The following STAG2 variants were observed in gnomAD, a reference collection of about 807,000 sequenced individuals.
STAG2 encodes the protein cohesin subunit SA-2.
STAG2 carries 14 observed loss-of-function variants against 108.1 expected under a neutral mutation model. That is an observed-to-expected ratio of 0.13 (90% CI 0.09 to 0.20). STAG2 has a LOEUF of 0.20. STAG2 is among the 10% of genes least tolerant of loss of function. The pLI is 1.00. For synonymous variants in STAG2, 307 were observed against 302.7 expected (o/e 1.01, Z -0.15); for missense variants, 440 against 940.9 (o/e 0.47, Z 6.96).
At chrX:124,002,226 A>G (rs966575976) in intron 1 of STAG2, among the ~76,000 whole-genome samples, 1 of 111,961 alleles carries the variant, frequency 8.9e-6, no homozygotes, top group Non-Finnish European at 1.9e-5. Context: ...CAAGACAACA[A>G]CAACATAAAA....
At chrX:124,067,032 G>A (rs1422572350) in intron 23 of STAG2, among the ~76,000 whole-genome samples, 1 of 111,060 alleles carries the variant, frequency 9.0e-6, no homozygotes, top group African/African-American at 3.3e-5. Flanking sequence ...CTTAAATATT[G>A]TTTGGGCTCA....
chrX:124,030,966 T>TA lies in STAG2; in HGVS notation c.135dup (p.Gly46ArgfsTer41). 8.4e-7 allele frequency: 1 copy of TA among 1,193,793 alleles called. No individual in the cohort carries two copies. Among genetic ancestry groups the TA allele is most frequent in the Non-Finnish European group, 1.1e-6 (1 of 888,722 alleles). On this transcript the variant is annotated frameshift_variant, in exon 5 of 35. Transcript: ENST00000371145. LOFTEE classifies it high-confidence loss of function. ...ACCTCGTATTTTTTATGCAGACTTG[T>TA]AAAAAAGGCAAAAAGGGCCCAGCAG...
intron 1 of STAG2, among the ~76,000 whole-genome samples, chrX:124,018,446 T>TTGGA (rs59257430): frequency 0.012 from 1,187 of 102,764 alleles, 12 homozygotes; most frequent in East Asian, 0.035. Flanking sequence ...GGGAAACACA[T>TTGGA]TGGATGGATG....
At chrX:124,073,401 C>T (rs1466260998) in intron 25 of STAG2, among the ~76,000 whole-genome samples, 1 of 110,697 alleles carries the variant, frequency 9.0e-6, no homozygotes, top group Non-Finnish European at 1.9e-5. Context: ...TTCTTATCTC[C>T]TTAGACTTGT....
chrX:124,096,569 C>G lies in STAG2; in HGVS notation c.3783+1120C>G, dbSNP rs191245579. Among the ~76,000 whole-genome samples the G allele has an allele frequency of 2.2e-4, 24 of 111,446 alleles. No individual in the cohort carries two copies. In the East Asian group the frequency reaches 6.5e-3, roughly 30 times the overall value. ...GAGATAGGATATTACATGCCCTGGT[C>G]CTTCACTAGACTGAACTCCCTGAGG... On this transcript the variant is annotated intron_variant, in intron 34 of 34. Transcript: ENST00000371145.
intron 1 of STAG2, among the ~76,000 whole-genome samples, chrX:123,989,041 T>C (rs1326369238): frequency 1.8e-5 from 2 of 111,201 alleles, no homozygotes; most frequent in African/African-American, 6.5e-5. Context: ...CTATTCAGAG[T>C]TCCCTGTACT....
chrX:123,997,963 G>C (rs1345603719), intron 1 of STAG2, among the ~76,000 whole-genome samples: 1 of 111,563 alleles, frequency 9.0e-6, no homozygotes, highest in Admixed American at 9.6e-5. Context: ...ATATGTCAGA[G>C]TTTATAATCT....
At chrX:123,997,580 G>T (rs2055802335) in intron 1 of STAG2, among the ~76,000 whole-genome samples, 1 of 112,315 alleles carries the variant, frequency 8.9e-6, no homozygotes. Flanking sequence ...TTGTCCTTTT[G>T]TGACTGGCTT....
chrX:124,086,672 T>G lies in STAG2; in HGVS notation c.3179T>G (p.Ile1060Ser). ...AGGDDDTMSV[I>S]SGISSRGSTV... Reference sequence around the variant, plus strand: ...GGTGATGATGACACCATGTCAGTCATTAGTGGAATCAGCAGCCGGGGGTCA... The same window carrying G: ...GGTGATGATGACACCATGTCAGTCAGTAGTGGAATCAGCAGCCGGGGGTCA... Residue 1060 changes from isoleucine (I) to serine (S), a missense_variant, in exon 30 of 35, where the codon ATT becomes AGT. Ile to Ser is a moderately radical substitution (Grantham distance 142). Coordinates refer to ENST00000371145, the MANE Select transcript of STAG2 (RefSeq NM_001042750.2). 8.3e-7 allele frequency: 1 copy of G among 1,211,433 alleles called. No homozygotes were observed. The highest frequency in any genetic ancestry group is 1.1e-6 in the Non-Finnish European group (1 of 895,193).
At chrX:124,056,781 A>G (rs1215299600) in intron 14 of STAG2, among the ~76,000 whole-genome samples, 1 of 108,876 alleles carries the variant, frequency 9.2e-6, no homozygotes, top group Non-Finnish European at 1.9e-5. Context: ...TCTTTCAGTA[A>G]ACATGCTTAG....
intron 1 of STAG2, among the ~76,000 whole-genome samples, chrX:124,010,630 A>G (rs1450559266): frequency 1.8e-5 from 2 of 111,274 alleles, no homozygotes; most frequent in East Asian, 5.6e-4. Context: ...GTTCTTGGAA[A>G]CTTGGGCTTT....
intron 32 of STAG2, 148 bp downstream of exon 32, chrX:124,091,112 C>T: frequency 2.2e-6 from 1 of 445,965 alleles, no homozygotes; most frequent in East Asian, 3.8e-5. Context: ...GTCTTTCCAA[C>T]AGAAAAGCAA....
chrX:124,006,299 G>A (rs182310260), intron 1 of STAG2, among the ~76,000 whole-genome samples: 20 of 111,390 alleles, frequency 1.8e-4, no homozygotes, highest in Non-Finnish European at 3.0e-4. Context: ...AAGGTTACTG[G>A]TGGTTATGGT....
chrX:124,049,907 G>T (rs1352681433), intron 10 of STAG2, among the ~76,000 whole-genome samples: 3 of 112,197 alleles, frequency 2.7e-5, no homozygotes, highest in Non-Finnish European at 5.6e-5. Context: ...ATGCCCAGCA[G>T]GTGTGAGCAA....
chrX:124,060,784 C>T (rs1329646111), intron 15 of STAG2, among the ~76,000 whole-genome samples: 2 of 107,081 alleles, frequency 1.9e-5, no homozygotes, highest in Non-Finnish European at 3.8e-5. Flanking sequence ...ATTAGCCGGG[C>T]GTGGTGGTGC....
chrX:124,009,439 G>GATAGATAGATAGA (rs1569501995), intron 1 of STAG2, among the ~76,000 whole-genome samples: 110 of 62,489 alleles, frequency 1.8e-3, no homozygotes, highest in East Asian at 2.6e-3. Flanking sequence ...AGGTAGGTAG[G>GATAGATAGATAGA]TAGGTAGATA....
At position 124,039,213 on chromosome X, in the gene STAG2, T is replaced by C. The variant is rs189784843; in HGVS notation, c.385+1590T>C. 8.5e-4 allele frequency among the ~76,000 whole-genome samples: 92 copies of C among 108,193 alleles called. 1 individual carries two copies. The highest frequency in any genetic ancestry group is 2.9e-3 in the African/African-American group (87 of 29,821). 94.0% of individuals were successfully genotyped at this position (108,193 alleles called of 115,157 possible). ...TTCTTTCATCCAGGCTGGAGTGTAG[T>C]GTCGTGATCATGGCTCACTGCGGCC... is the stretch of plus-strand genomic sequence containing the variant. On this transcript the variant is annotated intron_variant, in intron 6 of 34. Coordinates refer to ENST00000371145, the MANE Select transcript of STAG2 (RefSeq NM_001042750.2).
chrX:124,081,252 G>T (rs1436237447), intron 27 of STAG2, 128 bp from the exon 28 acceptor site: 1 of 418,750 alleles, frequency 2.4e-6, no homozygotes, highest in Non-Finnish European at 3.9e-6. Flanking sequence ...TCATGTTTTA[G>T]TGTTTTGCAA....
chrX:124,070,475 T>G (rs2058638178), intron 24 of STAG2, among the ~76,000 whole-genome samples: 1 of 111,944 alleles, frequency 8.9e-6, no homozygotes, highest in Non-Finnish European at 1.9e-5. Context: ...CAACAAATAA[T>G]TAATTAGTCT....
Sources: allele counts gnomAD v4.1 joint callset (sites outside exome capture counted in the v4.1 genomes callset), GRCh38; gene constraint gnomAD v4.1.1; transcripts MANE v1.5; gene names NCBI Gene and HGNC (gene_info 2026-07-23, HGNC 2026-07-21).